DRC11: variants seen among roughly 807,000 people sequenced by gnomAD.
DRC11 encodes the protein dynein regulatory complex subunit 11, also known as IQ and AAA domain-containing protein 1.
At chr2:236,335,775 G>T in the DRC11 span, among the ~76,000 whole-genome samples, 19 of 152,236 alleles carry the variant, frequency 1.2e-4, no homozygotes, top group African/African-American at 4.3e-4. The surrounding 1 kb of genome is among the most constrained non-coding windows in gnomAD (Gnocchi z 5.6). Context: ...AAGAAAAAAA[G>T]AAGAACGCAT....
chr2:236,358,680 T>G, the DRC11 span, among the ~76,000 whole-genome samples: 20 of 148,248 alleles, frequency 1.3e-4, no homozygotes, highest in Admixed American at 8.7e-4. Flanking sequence ...TACACATACT[T>G]TCTCTTTTAA....
the DRC11 span, among the ~76,000 whole-genome samples, chr2:236,482,732 T>C: frequency 6.6e-6 from 1 of 152,212 alleles, no homozygotes; most frequent in Admixed American, 6.5e-5. This position sits in a 1 kb window ranked among gnomAD's most constrained non-coding sequence, Gnocchi z 4.5. Flanking sequence ...AAAATAATGA[T>C]GCATCTTACA....
the DRC11 span, among the ~76,000 whole-genome samples, chr2:236,311,496 C>T: frequency 1.7e-4 from 26 of 152,310 alleles, no homozygotes; most frequent in South Asian, 2.3e-3. This position sits in a 1 kb window ranked among gnomAD's most constrained non-coding sequence, Gnocchi z 6.9. Flanking sequence ...TTTCTCCAGA[C>T]GTGGCCAGAA....
chr2:236,427,868 AT>A, the DRC11 span, among the ~76,000 whole-genome samples: 1 of 152,012 alleles, frequency 6.6e-6, no homozygotes. The surrounding 1 kb of genome is among the most constrained non-coding windows in gnomAD (Gnocchi z 5.9). Context: ...GTAGGCATTT[AT>A]TGCTAGAAAT....
chr2:236,341,707 C>T, the DRC11 span, among the ~76,000 whole-genome samples: 1 of 152,154 alleles, frequency 6.6e-6, no homozygotes, highest in South Asian at 2.1e-4. Flanking sequence ...GGGCAGAAGG[C>T]GAAGCTGGTG....
At chr2:236,330,459 A>G in the DRC11 span, among the ~76,000 whole-genome samples, 1 of 152,208 alleles carries the variant, frequency 6.6e-6, no homozygotes, top group Non-Finnish European at 1.5e-5. The surrounding 1 kb of genome is among the most constrained non-coding windows in gnomAD (Gnocchi z 5.5). Flanking sequence ...TACTTCTGAA[A>G]TCATTATTAT....
the DRC11 span, among the ~76,000 whole-genome samples, chr2:236,472,323 C>T: frequency 1.6e-4 from 24 of 152,196 alleles, no homozygotes; most frequent in Non-Finnish European, 3.1e-4. This position sits in a 1 kb window ranked among gnomAD's most constrained non-coding sequence, Gnocchi z 4.6. Flanking sequence ...ACAATTCCCC[C>T]CTGCAGCTAG....
the DRC11 span, among the ~76,000 whole-genome samples, chr2:236,466,092 GT>G: frequency 2.6e-4 from 39 of 148,328 alleles, no homozygotes; most frequent in South Asian, 1.5e-3. Context: ...ACACTTTCTT[GT>G]TTTTTTTTTC....
chr2:236,465,191 G>T, the DRC11 span, among the ~76,000 whole-genome samples: 1 of 152,078 alleles, frequency 6.6e-6, no homozygotes, highest in Non-Finnish European at 1.5e-5. The surrounding 1 kb of genome is among the most constrained non-coding windows in gnomAD (Gnocchi z 6.2). Context: ...AGGCTGGCTA[G>T]ATGCCAGAAG....
the DRC11 span, among the ~76,000 whole-genome samples, chr2:236,498,626 C>T: frequency 1.3e-5 from 2 of 152,128 alleles, no homozygotes; most frequent in African/African-American, 2.4e-5. Flanking sequence ...CTTGTCCACA[C>T]CCTGGCGAGG....
At chr2:236,445,144 T>G in the DRC11 span, among the ~76,000 whole-genome samples, 1 of 152,234 alleles carries the variant, frequency 6.6e-6, no homozygotes. This position sits in a 1 kb window ranked among gnomAD's most constrained non-coding sequence, Gnocchi z 4.8. Flanking sequence ...AATTTTATTT[T>G]CGTATTGTAA....
the DRC11 span, among the ~76,000 whole-genome samples, chr2:236,348,141 G>A: frequency 2.0e-5 from 3 of 152,198 alleles, no homozygotes; most frequent in African/African-American, 4.8e-5. This position sits in a 1 kb window ranked among gnomAD's most constrained non-coding sequence, Gnocchi z 7.4. Context: ...AGTATTAAGT[G>A]ATTCTCCAGC....
chr2:236,426,032 G>A, the DRC11 span, among the ~76,000 whole-genome samples: 2 of 151,960 alleles, frequency 1.3e-5, no homozygotes, highest in African/African-American at 4.8e-5. This position sits in a 1 kb window ranked among gnomAD's most constrained non-coding sequence, Gnocchi z 4.1. Context: ...TTTGCTTTCT[G>A]TAGCTTTGTA....
the DRC11 span, among the ~76,000 whole-genome samples, chr2:236,445,528 T>C: frequency 6.6e-6 from 1 of 151,396 alleles, no homozygotes; most frequent in Non-Finnish European, 1.5e-5. The surrounding 1 kb of genome is among the most constrained non-coding windows in gnomAD (Gnocchi z 4.8). Flanking sequence ...TTTGTAGAGA[T>C]AGGGCTTCAC....
At chr2:236,493,151 G>GAGAA in the DRC11 span, among the ~76,000 whole-genome samples, 10 of 152,292 alleles carry the variant, frequency 6.6e-5, no homozygotes, top group South Asian at 8.3e-4. Flanking sequence ...AGACAAGACA[G>GAGAA]TTTGTGCAGG....
chr2:236,459,540 CGTATACGTATACATGTATACGTATAT>C, the DRC11 span, among the ~76,000 whole-genome samples: 1 of 73,862 alleles, frequency 1.4e-5, no homozygotes, highest in Admixed American at 1.3e-4. Context: ...TATACGTATA[CGTATACGTATACATGTATACGTATAT>C]ATGTGTATAC....
chr2:236,326,792 TTGTGTGTGTGTGTGTGTG>T, the DRC11 span, among the ~76,000 whole-genome samples: 4,651 of 144,030 alleles, frequency 0.032, 256 homozygotes, highest in African/African-American at 0.11. Flanking sequence ...TTCAGATTTG[TTGTGTGTGTGTGTGTGTG>T]TGTGTGTGTG....
At chr2:236,503,404 T>A in the DRC11 span, among the ~76,000 whole-genome samples, 4 of 152,184 alleles carry the variant, frequency 2.6e-5, no homozygotes, top group African/African-American at 9.7e-5. The surrounding 1 kb of genome is among the most constrained non-coding windows in gnomAD (Gnocchi z 4.9). Flanking sequence ...TTGGCTTCAG[T>A]TGGGTCAGAG....
the DRC11 span, among the ~76,000 whole-genome samples, chr2:236,407,189 G>A: frequency 1.1e-4 from 17 of 152,380 alleles, no homozygotes; most frequent in African/African-American, 3.8e-4. Context: ...AAATACAAGA[G>A]ATAGGAGAGA....
Sources: allele counts gnomAD v4.1 joint callset (sites outside exome capture counted in the v4.1 genomes callset), GRCh38; gene constraint gnomAD v4.1.1; non-coding constraint Gnocchi (gnomAD v3.1); transcripts MANE v1.5; gene names NCBI Gene and HGNC (gene_info 2026-07-23, HGNC 2026-07-21).